ZZZ3: variants seen among roughly 807,000 people sequenced by gnomAD.
ZZZ3 encodes ZZ-type zinc finger-containing protein 3.
ZZZ3 carries 22 observed loss-of-function variants against 95.2 expected under a neutral mutation model. The ratio of observed to expected loss-of-function variants is 0.23; its 90% CI spans 0.17 to 0.33. The LOEUF is 0.33. ZZZ3 is among the 10% of genes least tolerant of loss of function. The probability of loss-of-function intolerance (pLI) is 1.00; values close to 1 mark genes in which losing one functional copy is unlikely to be tolerated. For synonymous variants in ZZZ3, 335 were observed against 358.9 expected (o/e 0.93, Z 0.75); for missense variants, 885 against 1,066.5 (o/e 0.83, Z 2.37).
intron 1 of ZZZ3, among the ~76,000 whole-genome samples, chr1:77,650,389 A>T (rs1669691737): frequency 6.6e-6 from 1 of 152,246 alleles, no homozygotes; most frequent in Non-Finnish European, 1.5e-5. Context: ...ACAAATGAAC[A>T]TTAAAAGATT....
At chr1:77,651,562 G>A (rs1310856311) in intron 1 of ZZZ3, among the ~76,000 whole-genome samples, 1 of 152,132 alleles carries the variant, frequency 6.6e-6, no homozygotes, top group Non-Finnish European at 1.5e-5. Context: ...AAACAGAATG[G>A]TGGTTGCCAG....
intron 4 of ZZZ3, among the ~76,000 whole-genome samples, chr1:77,636,705 GAAAAAAAAA>G (rs10568853): frequency 7.4e-5 from 5 of 67,646 alleles, no homozygotes; most frequent in African/African-American, 1.8e-4. Flanking sequence ...GCCCTGTCTT[GAAAAAAAAA>G]AAAAAAAAAA....
intron 5 of ZZZ3, among the ~76,000 whole-genome samples, chr1:77,622,697 A>T (rs1666997174): frequency 6.6e-6 from 1 of 152,176 alleles, no homozygotes; most frequent in African/African-American, 2.4e-5. Context: ...TCTTTTACCC[A>T]TCCTCAAGAA....
chr1:77,605,738 G>C (rs1456217336), intron 5 of ZZZ3, among the ~76,000 whole-genome samples: 5 of 152,146 alleles, frequency 3.3e-5, no homozygotes, highest in African/African-American at 9.7e-5. Context: ...CCCTGGGCCA[G>C]AAAGGAACCC....
intron 8 of ZZZ3, 120 bp from the exon 9 acceptor site, chr1:77,581,189 G>T: frequency 2.6e-6 from 2 of 777,384 alleles, no homozygotes; most frequent in Non-Finnish European, 2.1e-6. Flanking sequence ...GAGTAAATTT[G>T]TTTTTTAATG....
intron 5 of ZZZ3, among the ~76,000 whole-genome samples, chr1:77,621,387 G>A (rs548219400): frequency 7.3e-5 from 11 of 151,374 alleles, no homozygotes; most frequent in East Asian, 5.9e-4. Context: ...AGGCTGCAGT[G>A]AGCCATGATT....
intron 4 of ZZZ3, among the ~76,000 whole-genome samples, chr1:77,638,472 G>A (rs550599990): frequency 1.3e-5 from 2 of 152,092 alleles, no homozygotes; most frequent in South Asian, 4.2e-4. Context: ...AACAAAAAAG[G>A]CCCACCTAAT....
chr1:77,572,482 A>G (rs1181591320), intron 12 of ZZZ3, among the ~76,000 whole-genome samples: 2 of 149,812 alleles, frequency 1.3e-5, no homozygotes, highest in Non-Finnish European at 3.0e-5. Flanking sequence ...TGGGACTACA[A>G]GCATGCACCA....
chr1:77,579,432 G>T, intron 10 of ZZZ3, 95 bp downstream of exon 10: 3 of 896,220 alleles, frequency 3.3e-6, no homozygotes, highest in Non-Finnish European at 3.6e-6. Flanking sequence ...AGCTGAAAGT[G>T]TTATGGCAGA....
chr1:77,630,229 T>C (rs534395849), intron 5 of ZZZ3, among the ~76,000 whole-genome samples: 1 of 152,192 alleles, frequency 6.6e-6, no homozygotes, highest in Non-Finnish European at 1.5e-5. Context: ...TACTCAATAC[T>C]CTGGGAGGCT....
At chr1:77,616,252 C>T (rs1439353640) in intron 5 of ZZZ3, among the ~76,000 whole-genome samples, 2 of 152,158 alleles carry the variant, frequency 1.3e-5, no homozygotes, top group Non-Finnish European at 2.9e-5. Context: ...GTTTCTAATG[C>T]CCAAGAACAC....
intron 4 of ZZZ3, among the ~76,000 whole-genome samples, chr1:77,634,033 G>A (rs1668070488): frequency 6.6e-6 from 1 of 152,144 alleles, no homozygotes; most frequent in South Asian, 2.1e-4. Context: ...AGCCAGGTGT[G>A]GTGGCACACG....
chr1:77,634,018 A>C (rs767058587), intron 4 of ZZZ3, among the ~76,000 whole-genome samples: 1 of 151,986 alleles, frequency 6.6e-6, no homozygotes, highest in Non-Finnish European at 1.5e-5. Flanking sequence ...AAAAATACAA[A>C]AATTAGCCAG....
At chr1:77,599,393 T>C (rs1174318027) in intron 5 of ZZZ3, among the ~76,000 whole-genome samples, 1 of 152,052 alleles carries the variant, frequency 6.6e-6, no homozygotes. Flanking sequence ...ATCATACTTA[T>C]ACTTGATGAA....
At chr1:77,620,332 G>A (rs1027353011) in intron 5 of ZZZ3, among the ~76,000 whole-genome samples, 2 of 152,124 alleles carry the variant, frequency 1.3e-5, no homozygotes, top group African/African-American at 4.8e-5. Flanking sequence ...TTAAAGAGTC[G>A]ATTTTATTCT....
At chr1:77,665,531 C>T (rs1009866416) in intron 1 of ZZZ3, among the ~76,000 whole-genome samples, 10 of 152,166 alleles carry the variant, frequency 6.6e-5, no homozygotes, top group Non-Finnish European at 1.5e-4. Flanking sequence ...TTTTTAAGTT[C>T]CTATAGACAA....
chr1:77,635,042 A>G (rs1266475350), intron 4 of ZZZ3, among the ~76,000 whole-genome samples: 1 of 152,052 alleles, frequency 6.6e-6, no homozygotes, highest in African/African-American at 2.4e-5. Flanking sequence ...TCTGACTCCT[A>G]CCCCTAAAAA....
intron 5 of ZZZ3, among the ~76,000 whole-genome samples, chr1:77,617,872 A>C (rs1666467476): frequency 1.3e-5 from 2 of 152,122 alleles, no homozygotes; most frequent in South Asian, 4.2e-4. Context: ...TTGAACCCAG[A>C]AGGCGGAGGT....
chr1:77,624,610 T>A (rs1378544564), intron 5 of ZZZ3, among the ~76,000 whole-genome samples: 7 of 152,190 alleles, frequency 4.6e-5, no homozygotes, highest in Admixed American at 4.6e-4. Context: ...GACCTTGCCG[T>A]ACATACATAT....
Sources: allele counts gnomAD v4.1 joint callset (sites outside exome capture counted in the v4.1 genomes callset), GRCh38; gene constraint gnomAD v4.1.1; transcripts MANE v1.5; gene names NCBI Gene and HGNC (gene_info 2026-07-23, HGNC 2026-07-21).